The following TUSC3 variants were observed in gnomAD, a reference collection of about 807,000 sequenced individuals.
The protein encoded by TUSC3 is tumor suppressor candidate 3, also known as dolichyl-diphosphooligosaccharide--protein glycosyltransferase subunit TUSC3.
Under a neutral mutation model 44.8 loss-of-function variants are expected in TUSC3, and 45 were observed. The ratio of observed to expected loss-of-function variants is 1.00; its 90% CI spans 0.79 to 1.29. The LOEUF (loss-of-function observed/expected upper bound fraction) is 1.29. Ranked by LOEUF, TUSC3 falls within the 50% of genes most tolerant of loss-of-function variation. The pLI, the probability that TUSC3 is intolerant of heterozygous loss-of-function variation, is 0.00. For missense variants in TUSC3, 519 were observed against 437.9 expected (o/e 1.19, Z -1.65); for synonymous variants, 212 against 152.9 (o/e 1.39, Z -2.85).
At chr8:15,508,562 T>C (rs1801090296) in intron 2 of TUSC3, among the ~76,000 whole-genome samples, 1 of 147,184 alleles carries the variant, frequency 6.8e-6, no homozygotes. Flanking sequence ...CCCGGGTTCG[T>C]GCCATTCTCC....
At chr8:15,452,397 T>C (rs943326238) in intron 1 of TUSC3, among the ~76,000 whole-genome samples, 11 of 152,232 alleles carry the variant, frequency 7.2e-5, no homozygotes, top group Non-Finnish European at 1.6e-4. Context: ...GAACAACTGA[T>C]TACTCACGCC....
intron 1 of TUSC3, among the ~76,000 whole-genome samples, chr8:15,561,358 A>C (rs375404019): frequency 0.042 from 5,005 of 119,716 alleles, 283 homozygotes; most frequent in East Asian, 0.08. Context: ...GCAGTCTGCC[A>C]GTTCTCAGAT....
intron 1 of TUSC3, among the ~76,000 whole-genome samples, chr8:15,465,685 C>G (rs1379910577): frequency 1.3e-5 from 2 of 152,134 alleles, no homozygotes; most frequent in Non-Finnish European, 2.9e-5. Context: ...CTGCAAACAC[C>G]TTTCATCAAA....
At chr8:15,536,613 C>T (rs1477093387), upstream of TUSC3, among the ~76,000 whole-genome samples, 3 of 130,076 alleles carry the variant, frequency 2.3e-5, no homozygotes, top group Non-Finnish European at 3.1e-5. Flanking sequence ...ACCTGGGAGG[C>T]GGAGGTTGCA....
chr8:15,701,372 A>G (rs2129195382), intron 6 of TUSC3, among the ~76,000 whole-genome samples: 1 of 152,284 alleles, frequency 6.6e-6, no homozygotes, highest in Non-Finnish European at 1.5e-5. Context: ...GGATAGTTTT[A>G]CTTAACATAT....
At chr8:15,573,099 A>G (rs1278120990) in intron 1 of TUSC3, among the ~76,000 whole-genome samples, 3 of 150,990 alleles carry the variant, frequency 2.0e-5, no homozygotes, top group Non-Finnish European at 4.4e-5. Context: ...TGTGAAGCGC[A>G]GTTAAGCAAA....
At position 15,676,097 on chromosome 8, in the gene TUSC3, A is replaced by G. The variant is rs568260306; in HGVS notation, c.798+2261A>G. Among the ~76,000 whole-genome samples, 133 of 152,272 alleles carry G rather than the reference A, an allele frequency of 8.7e-4. 1 individual carries two copies. The highest frequency in any genetic ancestry group is 3.1e-3 in the African/African-American group (127 of 41,580). Reference sequence around the variant, plus strand: ...CTACACAGCCTTGCCAGCATCTATTATGTTTTGACTTTTAAAAAACAGCCA... The same window carrying G: ...CTACACAGCCTTGCCAGCATCTATTGTGTTTTGACTTTTAAAAAACAGCCA... On this transcript the variant is annotated intron_variant, in intron 6 of 10. Transcript: ENST00000503731.
intron 1 of TUSC3, among the ~76,000 whole-genome samples, chr8:15,447,053 GAAAAAAAA>G (rs1023429887): frequency 7.0e-6 from 1 of 143,874 alleles, no homozygotes; most frequent in East Asian, 2.0e-4. Flanking sequence ...AAATGCAGAA[GAAAAAAAA>G]AATAGGATAA....
chr8:15,773,911 C>T, the TUSC3 span, among the ~76,000 whole-genome samples: 1 of 152,088 alleles, frequency 6.6e-6, no homozygotes, highest in Non-Finnish European at 1.5e-5. Flanking sequence ...CAAAATGGAT[C>T]AACGATGTAA....
At chr8:15,699,449 T>C (rs1809305230) in intron 6 of TUSC3, among the ~76,000 whole-genome samples, 1 of 152,226 alleles carries the variant, frequency 6.6e-6, no homozygotes, top group Non-Finnish European at 1.5e-5. Flanking sequence ...TGGATTTTAG[T>C]GTCCACCTGT....
chr8:15,730,483 C>A (rs1364622126), intron 6 of TUSC3, among the ~76,000 whole-genome samples, 183 bp from the exon 7 acceptor site: 1 of 151,990 alleles, frequency 6.6e-6, no homozygotes, highest in Non-Finnish European at 1.5e-5. Context: ...TATCATCAAC[C>A]AACATTGTCA....
At chr8:15,633,981 C>T (rs1485405780) in intron 2 of TUSC3, among the ~76,000 whole-genome samples, 1 of 152,132 alleles carries the variant, frequency 6.6e-6, no homozygotes, top group Non-Finnish European at 1.5e-5. Context: ...TCTGGGTCAG[C>T]TCCCCCAGGT....
intron 2 of TUSC3, among the ~76,000 whole-genome samples, chr8:15,527,944 T>A (rs1400245488): frequency 1.3e-5 from 2 of 152,226 alleles, no homozygotes; most frequent in Non-Finnish European, 2.9e-5. Context: ...ATAGATGAAA[T>A]TCCATTAGCT....
intron 1 of TUSC3, among the ~76,000 whole-genome samples, chr8:15,445,945 C>CG (rs1477195090): frequency 1.4e-5 from 2 of 140,416 alleles, no homozygotes; most frequent in African/African-American, 5.4e-5. Context: ...GCTGGCCGGA[C>CG]GGGGGCTGCC....
chr8:15,488,374 C>A (rs1800762322), intron 2 of TUSC3, among the ~76,000 whole-genome samples: 1 of 151,808 alleles, frequency 6.6e-6, no homozygotes, highest in Non-Finnish European at 1.5e-5. Flanking sequence ...TAGTGGCTCG[C>A]ACCTGTAGTC....
At chr8:15,539,808 C>T (rs951730624), upstream of TUSC3, among the ~76,000 whole-genome samples, 1 of 152,102 alleles carries the variant, frequency 6.6e-6, no homozygotes, top group Non-Finnish European at 1.5e-5. Flanking sequence ...CTCAGGCCTT[C>T]CAGTGGGGCT....
the TUSC3 span, among the ~76,000 whole-genome samples, chr8:15,843,621 T>TATATACACAC: frequency 4.8e-4 from 70 of 146,764 alleles, no homozygotes; most frequent in African/African-American, 1.7e-3. Context: ...TATATATATA[T>TATATACACAC]ACACGCACAT....
At chr8:15,659,397 G>C (rs1807320007) in intron 3 of TUSC3, 110 bp from the exon 4 acceptor site, 22 of 1,392,642 alleles carry the variant, frequency 1.6e-5, no homozygotes, top group Non-Finnish European at 2.2e-5. Context: ...AAACCACTTG[G>C]ATTTTCATAA....
At chr8:15,741,321 C>T (rs186165695) in intron 7 of TUSC3, among the ~76,000 whole-genome samples, 1 of 152,130 alleles carries the variant, frequency 6.6e-6, no homozygotes, top group African/African-American at 2.4e-5. Flanking sequence ...ATTGAGGAAG[C>T]TGCTTATTAG....
Sources: gnomAD v4.1 joint callset for allele counts (sites outside exome capture counted in the v4.1 genomes callset) on GRCh38, gnomAD v4.1.1 for gene constraint, MANE v1.5 for transcripts, NCBI Gene and HGNC (gene_info 2026-07-23, HGNC 2026-07-21) for gene names.